ADAM12: variants seen among roughly 807,000 people sequenced by gnomAD.
ADAM12 encodes disintegrin and metalloproteinase domain-containing protein 12.
ADAM12 carries 70 observed loss-of-function variants against 106.4 expected under a neutral mutation model. The observed-to-expected ratio is 0.66, with a 90% CI of 0.54 to 0.80. The LOEUF (loss-of-function observed/expected upper bound fraction) is 0.80. Among genes scored for constraint, ADAM12 ranks in the 30% least tolerant of loss-of-function variants. ADAM12 has a pLI of 0.00. For synonymous variants in ADAM12, 420 were observed against 433.5 expected (o/e 0.97, Z 0.39); for missense variants, 1,010 against 1,171.9 (o/e 0.86, Z 2.02).
intron 1 of ADAM12, among the ~76,000 whole-genome samples, chr10:126,332,697 G>A (rs141744039): frequency 1.9e-4 from 29 of 152,312 alleles, no homozygotes; most frequent in Non-Finnish European, 3.8e-4. Context: ...ATCGACAGCA[G>A]TAGAGGGAGC....
At chr10:126,193,811 C>T (rs1957547265) in intron 3 of ADAM12, among the ~76,000 whole-genome samples, 1 of 152,074 alleles carries the variant, frequency 6.6e-6, no homozygotes, top group African/African-American at 2.4e-5. Flanking sequence ...GCAGGAGAAT[C>T]TCTTGAATTC....
intron 5 of ADAM12, among the ~76,000 whole-genome samples, chr10:126,132,154 T>C (rs545447097): frequency 2.0e-5 from 3 of 152,244 alleles, no homozygotes; most frequent in South Asian, 4.2e-4. Flanking sequence ...TTCGTATTTT[T>C]AGTAGAGATG....
In ADAM12 at chr10:126,384,125, A is replaced by G. The variant is rs537157051; in HGVS notation, c.88+3933T>C. 9.2e-5 allele frequency among the ~76,000 whole-genome samples: 14 copies of G among 152,350 alleles called. 1 individual carries two copies. The South Asian group carries it at 2.9e-3, about 32-fold the overall frequency. On this transcript the variant is annotated intron_variant, in intron 1 of 22. Transcript: ENST00000448723. ...ACCATGAGGAAGTAAGCATAAAGGC[A>G]AAAGTCAACATCTACGTATCGCAGA...
intron 3 of ADAM12, among the ~76,000 whole-genome samples, chr10:126,176,815 G>C (rs1182539886): frequency 6.6e-6 from 1 of 152,148 alleles, no homozygotes; most frequent in Non-Finnish European, 1.5e-5. Flanking sequence ...ACTCTTCCAC[G>C]TGATGTCTGG....
intron 2 of ADAM12, among the ~76,000 whole-genome samples, chr10:126,299,832 C>T (rs575119267): frequency 1.7e-3 from 263 of 152,076 alleles, no homozygotes; most frequent in Non-Finnish European, 2.6e-3. Flanking sequence ...TTAGTAGAGA[C>T]GGGGTTTCGC....
At chr10:126,207,797 C>CTCATCTCTTTATCA (rs1565138794) in intron 3 of ADAM12, among the ~76,000 whole-genome samples, 3 of 152,206 alleles carry the variant, frequency 2.0e-5, no homozygotes, top group African/African-American at 7.2e-5. Flanking sequence ...TCTTGTTTCA[C>CTCATCTCTTTATCA]TCATCTCTTT....
intron 20 of ADAM12, 38 bp from the exon 21 acceptor site, chr10:126,036,363 T>G (rs766336489): frequency 1.3e-6 from 2 of 1,549,488 alleles, no homozygotes; most frequent in Admixed American, 2.1e-5. Context: ...TATAGCGGGT[T>G]TCAAAAATAT....
intron 4 of ADAM12, among the ~76,000 whole-genome samples, chr10:126,154,921 C>T (rs1018024302): frequency 1.3e-5 from 2 of 152,188 alleles, no homozygotes; most frequent in Non-Finnish European, 2.9e-5. Flanking sequence ...CAAGCCATCT[C>T]TAACTGGCTA....
chr10:126,062,244 T>C (rs1954772497), intron 14 of ADAM12, among the ~76,000 whole-genome samples: 1 of 152,164 alleles, frequency 6.6e-6, no homozygotes, highest in Admixed American at 6.5e-5. Flanking sequence ...CCAACAGTCC[T>C]GATGCCATGG....
chr10:126,265,353 T>C lies in ADAM12; in HGVS notation c.260+13562A>G, dbSNP rs186190360. Among the ~76,000 whole-genome samples the C allele has an allele frequency of 1.6e-3, 238 of 152,324 alleles. 1 individual carries two copies. Among genetic ancestry groups the C allele is most frequent in the Non-Finnish European group, 2.6e-3 (180 of 68,022 alleles). On this transcript the variant is annotated intron_variant, in intron 3 of 22. Coordinates refer to ENST00000448723, the MANE Select transcript of ADAM12 (RefSeq NM_001288973.2). The stretch of plus-strand genomic sequence containing the variant: ...CAGCTAATAAAAGAAGAAAGAATGA[T>C]AGAACACTGCCATTTTGCAGGACCC...
rs542132897 is a variant in ADAM12 at position 126,056,698 on chromosome 10, G to A, written c.1610-7029C>T. Reference sequence around the variant, plus strand: ...TTCCCACCTATGAGTGAGAATATGCGGTGTTTGGTTTTTTGTTCTTGCGAT... The same window carrying A: ...TTCCCACCTATGAGTGAGAATATGCAGTGTTTGGTTTTTTGTTCTTGCGAT... On this transcript the variant is annotated intron_variant, in intron 14 of 22. Transcript: ENST00000448723. Among the ~76,000 whole-genome samples, 41 of 32,818 alleles carry A rather than the reference G, an allele frequency of 1.2e-3. 11 individuals carry two copies. The highest frequency in any genetic ancestry group is 3.2e-3 in the Admixed American group (7 of 2,158). 21.5% of individuals were successfully genotyped at this position (32,818 alleles called of 152,430 possible).
chr10:126,354,120 A>C (rs1282124636), intron 1 of ADAM12, among the ~76,000 whole-genome samples: 1 of 151,840 alleles, frequency 6.6e-6, no homozygotes, highest in Non-Finnish European at 1.5e-5. Flanking sequence ...CCTCCATCAA[A>C]TCCTGCTCCT....
chr10:126,152,809 CT>C (rs1374323805), intron 4 of ADAM12, among the ~76,000 whole-genome samples: 1 of 152,056 alleles, frequency 6.6e-6, no homozygotes, highest in Non-Finnish European at 1.5e-5. Flanking sequence ...TTTTTCTACT[CT>C]TTAAATAGTT....
chr10:126,037,878 C>G (rs1486962752), intron 20 of ADAM12, among the ~76,000 whole-genome samples: 1 of 152,204 alleles, frequency 6.6e-6, no homozygotes, highest in African/African-American at 2.4e-5. Flanking sequence ...CATTTGGAAA[C>G]CATGGTGGGG....
At chr10:126,284,453 C>A (rs1406183878) in intron 2 of ADAM12, among the ~76,000 whole-genome samples, 1 of 152,030 alleles carries the variant, frequency 6.6e-6, no homozygotes, top group East Asian at 1.9e-4. Context: ...ACTAATGCCA[C>A]CCTGTGTTAA....
At chr10:126,358,334 T>C (rs2133898428) in intron 1 of ADAM12, among the ~76,000 whole-genome samples, 1 of 152,224 alleles carries the variant, frequency 6.6e-6, no homozygotes, top group South Asian at 2.1e-4. Flanking sequence ...TGGAAGGATG[T>C]TTCAACACAG....
intron 20 of ADAM12, among the ~76,000 whole-genome samples, chr10:126,037,566 C>T (rs1281003671): frequency 3.3e-5 from 5 of 152,102 alleles, no homozygotes; most frequent in African/African-American, 9.7e-5. Flanking sequence ...AATTTGGACT[C>T]TTGTTGACTA....
At chr10:126,314,160 G>A (rs1658263690) in intron 2 of ADAM12, among the ~76,000 whole-genome samples, 2 of 152,300 alleles carry the variant, frequency 1.3e-5, no homozygotes, top group African/African-American at 4.8e-5. Flanking sequence ...GAGCAGGTTG[G>A]CAGGAGTAGC....
At chr10:126,380,722 G>C (rs1414167002) in intron 1 of ADAM12, among the ~76,000 whole-genome samples, 1 of 152,192 alleles carries the variant, frequency 6.6e-6, no homozygotes, top group Non-Finnish European at 1.5e-5. Flanking sequence ...ACATTGTCTA[G>C]ATTATACCAA....
Sources: allele counts gnomAD v4.1 joint callset (sites outside exome capture counted in the v4.1 genomes callset), GRCh38; gene constraint gnomAD v4.1.1; transcripts MANE v1.5; gene names NCBI Gene and HGNC (gene_info 2026-07-23, HGNC 2026-07-21).